The following PARP2 variants were observed in gnomAD, a reference collection of about 807,000 sequenced individuals.
PARP2 encodes poly [ADP-ribose] polymerase 2.
A neutral mutation model predicts 77.8 loss-of-function variants in PARP2; 57 were observed. The ratio of observed to expected loss-of-function variants is 0.73; its 90% CI spans 0.59 to 0.91. PARP2 has a LOEUF of 0.91. Ranked by LOEUF, PARP2 falls within the 40% of genes least tolerant of loss-of-function variation. The probability of loss-of-function intolerance (pLI) is 0.00; values close to 1 mark genes in which losing one functional copy is unlikely to be tolerated. For missense variants in PARP2, 651 were observed against 689.0 expected, an observed-to-expected ratio of 0.94 and a Z score of 0.62; for synonymous variants, 226 against 242.6, an observed-to-expected ratio of 0.93 and a Z score of 0.64.
intron 4 of PARP2, among the ~76,000 whole-genome samples, chr14:20,348,423 G>C (rs1203600995): frequency 1.3e-5 from 2 of 149,280 alleles, no homozygotes; most frequent in South Asian, 4.2e-4. Context: ...TTTAGAGACA[G>C]TGTCTTGCTA....
Position 20,356,445 on chromosome 14 carries a change from A to G in PARP2, c.1229+11A>G. 6.2e-7 allele frequency: 1 copy of G among 1,614,190 alleles called. No homozygotes were observed. The highest frequency in any genetic ancestry group is 1.1e-5 in the South Asian group (1 of 91,084). ...GGACCTTCATAACAGGTCTGAGTCT[A>G]GCTTTGCGTTTGGAAAGACACTCCT... On this transcript the variant is annotated intron_variant, in intron 12 of 15. Coordinates refer to ENST00000429687, the MANE Select transcript of PARP2 (RefSeq NM_001042618.2).
Position 20,357,904 on chromosome 14 carries a change from A to G in PARP2, c.*107A>G. The G allele has an allele frequency of 3.2e-6, 3 of 944,138 alleles. No individual in the cohort carries two copies. The highest frequency in any genetic ancestry group is 4.8e-6 in the Non-Finnish European group (3 of 619,784). 58.5% of individuals were successfully genotyped at this position (944,138 alleles called of 1,614,324 possible). On this transcript the variant is annotated 3_prime_UTR_variant, in exon 16 of 16. Coordinates refer to ENST00000429687, the MANE Select transcript of PARP2 (RefSeq NM_001042618.2). ...TATGTAATAAAAACTGTACAGGTCT[A>G]CCACTGGCTTCTTCGGGCTTTATTT... is the stretch of plus-strand genomic sequence containing the variant.
chr14:20,356,475 C>G (rs778902785), intron 12 of PARP2, 41 bp downstream of exon 12: 1 of 1,613,450 alleles, frequency 6.2e-7, no homozygotes, highest in African/African-American at 1.3e-5. Context: ...ACTCCTTGCC[C>G]GAAAGTACAG....
At chr14:20,354,766 A>G in intron 8 of PARP2, 43 bp from the exon 9 acceptor site, 1 of 1,566,330 alleles carries the variant, frequency 6.4e-7, no homozygotes, top group Non-Finnish European at 8.7e-7. Flanking sequence ...AGTTCACTAG[A>G]TGGGATCCTA....
chr14:20,347,592 G>A (rs555534624), intron 4 of PARP2, among the ~76,000 whole-genome samples: 1 of 148,046 alleles, frequency 6.8e-6, no homozygotes, highest in South Asian at 2.1e-4. Flanking sequence ...GGTATTTTTA[G>A]TAGAGATGGG....
At chr14:20,346,762 G>C (rs1053658195) in intron 3 of PARP2, 101 bp from the exon 4 acceptor site, 4 of 770,772 alleles carry the variant, frequency 5.2e-6, no homozygotes, top group African/African-American at 3.4e-5. Context: ...TGATGTTGCT[G>C]TAGAATGATG....
At chr14:20,348,968 G>A (rs1437175982) in intron 4 of PARP2, among the ~76,000 whole-genome samples, 4 of 151,628 alleles carry the variant, frequency 2.6e-5, no homozygotes, top group African/African-American at 7.3e-5. Flanking sequence ...GTGGTGAGCC[G>A]AGATCGTACC....
intron 15 of PARP2, 39 bp from the exon 16 acceptor site, chr14:20,357,599 C>T (rs1393398409): frequency 3.1e-6 from 5 of 1,606,928 alleles, no homozygotes; most frequent in Non-Finnish European, 4.2e-6. Flanking sequence ...GCTTCTGAAC[C>T]AGAGACTGAT....
rs760607364 is a variant in PARP2 at position 20,357,496 on chromosome 14, C to T, written c.1529C>T (p.Pro510Leu). Residue 510 changes from proline to leucine, a missense_variant, in exon 15 of 16, where the codon CCC (proline) becomes CTC (leucine). Coordinates refer to ENST00000429687, the MANE Select transcript of PARP2 (RefSeq NM_001042618.2). Reference protein sequence around the residue: ...HSTKGLGKMAPSSAHFVTLNG... With the variant: ...HSTKGLGKMALSSAHFVTLNG... ...ACCAAGGGGCTGGGCAAGATGGCTC[C>T]CAGTTCTGCCCACTTCGTCACCCTG... 1 of 1,612,002 alleles carries T rather than the reference C, an allele frequency of 6.2e-7. No homozygotes were observed. Among genetic ancestry groups the T allele is most frequent in the Non-Finnish European group, 8.5e-7 (1 of 1,179,364 alleles).
At chr14:20,350,680 G>A (rs531580847) in intron 5 of PARP2, 58 bp downstream of exon 5, 9 of 1,072,894 alleles carry the variant, frequency 8.4e-6, no homozygotes, top group Non-Finnish European at 1.3e-5. Context: ...AAGCAGCTTA[G>A]TGGGTGGCCA....
chr14:20,349,244 T>A (rs1350894866), intron 4 of PARP2, among the ~76,000 whole-genome samples: 1 of 152,030 alleles, frequency 6.6e-6, no homozygotes, highest in Non-Finnish European at 1.5e-5. Flanking sequence ...TGCTTGAGCC[T>A]GGGAGGTTGA....
At chr14:20,357,359 G>C (rs773961926) in intron 14 of PARP2, 37 bp from the exon 15 acceptor site, 1 of 1,573,554 alleles carries the variant, frequency 6.4e-7, no homozygotes, top group African/African-American at 1.4e-5. Flanking sequence ...CTAATTCTTA[G>C]TAGGATATGG....
chr14:20,347,388 A>G, intron 4 of PARP2, among the ~76,000 whole-genome samples: 16 of 15,164 alleles, frequency 1.1e-3, no homozygotes, highest in Admixed American at 2.1e-3. Flanking sequence ...ATATATATAT[A>G]TATATATATA....
At chr14:20,344,218 C>A (rs879206700) in intron 1 of PARP2, 2 of 153,294 alleles carry the variant, frequency 1.3e-5, no homozygotes, top group African/African-American at 4.8e-5. Context: ...AGGAAGAGAT[C>A]AAATACTTCT....
At chr14:20,356,216 T>G in intron 11 of PARP2, 91 bp from the exon 12 acceptor site, 1 of 1,497,258 alleles carries the variant, frequency 6.7e-7, no homozygotes, top group Non-Finnish European at 9.1e-7. Context: ...AGCAGAAAGG[T>G]CTGCCAAGTT....
Position 20,357,728 on chromosome 14 carries a change from A to C in PARP2, c.1644A>C (p.Val548=), listed in dbSNP as rs768224729. 4.3e-6 allele frequency: 7 copies of C among 1,613,790 alleles called. No individual in the cohort carries two copies. The highest frequency in any genetic ancestry group is 5.9e-6 in the Non-Finnish European group (7 of 1,179,790). The change falls in exon 16 of 16, where the codon GTA becomes GTC. Residue 548 remains valine (V), a synonymous_variant. Transcript: ENST00000429687. ...CCCTCAACTACAATGAATATATTGTATATAACCCCAACCAGGTCCGTATGC... is the reference window on the plus strand; with the variant it reads ...CCCTCAACTACAATGAATATATTGTCTATAACCCCAACCAGGTCCGTATGC... ...GYTLNYNEYI[V]YNPNQVRMRY...
At chr14:20,353,464 C>T (rs1346022251) in intron 7 of PARP2, among the ~76,000 whole-genome samples, 5 of 151,414 alleles carry the variant, frequency 3.3e-5, no homozygotes, top group Non-Finnish European at 5.9e-5. Flanking sequence ...AGGATGGTCT[C>T]GATCTCCTGA....
In PARP2 at chr14:20,354,903, G is replaced by T. The variant is rs2138945291; in HGVS notation, c.858G>T (p.Met286Ile). The change falls in exon 9 of 16, where the codon ATG (methionine) becomes ATT (isoleucine). Residue 286 changes from methionine to isoleucine, a missense_variant. Coordinates refer to ENST00000429687, the MANE Select transcript of PARP2 (RefSeq NM_001042618.2). ...CTGGCCAGCATGGACGAGCTCTCAT[G>T]GAAGCATGCAATGAATTCTACACCA... Reference protein sequence around the residue: ...IRAGQHGRALMEACNEFYTRI... With the variant: ...IRAGQHGRALIEACNEFYTRI... The T allele has an allele frequency of 1.2e-6, 2 of 1,613,952 alleles. No homozygotes were observed.
rs1345965608 is a variant in PARP2 at position 20,353,593 on chromosome 14, G to A, written c.601-492G>A. 2.6e-5 allele frequency among the ~76,000 whole-genome samples: 4 copies of A among 152,210 alleles called. No individual in the cohort carries two copies. In the East Asian group the frequency reaches 7.7e-4, roughly 29 times the overall value. ...GAGAGGAGTGATAAAAAATCAAACT[G>A]ATTAAACAATTAACATTTAAATTTG... On this transcript the variant is annotated intron_variant, in intron 7 of 15. Coordinates refer to ENST00000429687, the MANE Select transcript of PARP2 (RefSeq NM_001042618.2).
Sources: allele counts gnomAD v4.1 joint callset (sites outside exome capture counted in the v4.1 genomes callset), GRCh38; gene constraint gnomAD v4.1.1; transcripts MANE v1.5; gene names NCBI Gene and HGNC (gene_info 2026-07-23, HGNC 2026-07-21).